Variants in RALYL observed in about 807,000 individuals in gnomAD.
The protein encoded by RALYL is RALY RNA binding protein like.
RALYL carries 29 observed loss-of-function variants against 35.1 expected under a neutral mutation model. The observed-to-expected ratio is 0.83, with a 90% CI of 0.61 to 1.13. RALYL has a LOEUF of 1.13. Ranked by LOEUF, RALYL falls within the 50% of genes most tolerant of loss-of-function variation. The pLI is 0.00. For missense variants in RALYL, 359 were observed against 360.4 expected (o/e 1.00, Z 0.03); for synonymous variants, 120 against 127.6 (o/e 0.94, Z 0.40).
intron 2 of RALYL, among the ~76,000 whole-genome samples, chr8:84,709,027 G>A (rs1208259882): frequency 3.9e-5 from 6 of 152,092 alleles, no homozygotes; most frequent in Middle Eastern, 3.2e-3. Flanking sequence ...CTTTGGGTGA[G>A]CTTATCGACC....
rs1209137062 is a variant in RALYL at position 84,850,002 on chromosome 8, T to C, written c.388T>C (p.Tyr130His). The change falls in exon 5 of 9, where the codon TAC becomes CAC. Residue 130 changes from tyrosine to histidine, a missense_variant. Coordinates refer to ENST00000521268, the MANE Select transcript of RALYL (RefSeq NM_173848.7). ...SVGGYVFDYD[Y>H]YRDDFYNRLF... ...TAGCGGTTATGTCTTTGACTATGAT[T>C]ACTACAGAGATGATTTCTACAATCG... 3 of 1,495,460 alleles carry C rather than the reference T, an allele frequency of 2.0e-6. No individual in the cohort carries two copies. In the Admixed American group the frequency reaches 7.1e-5, roughly 35 times the overall value. 92.6% of individuals were successfully genotyped at this position (1,495,460 alleles called of 1,614,324 possible). A position where few individuals can be genotyped will look rare whatever the true frequency, so the allele number is the denominator to read the frequency against.
intron 4 of RALYL, among the ~76,000 whole-genome samples, chr8:84,813,309 G>T (rs1286771340): frequency 1.3e-5 from 2 of 152,128 alleles, no homozygotes; most frequent in Non-Finnish European, 2.9e-5. Flanking sequence ...CCTTCAGAGG[G>T]TCTGTGGGTC....
At chr8:84,784,825 T>C (rs1459170921) in intron 3 of RALYL, among the ~76,000 whole-genome samples, 1 of 152,198 alleles carries the variant, frequency 6.6e-6, no homozygotes, top group African/African-American at 2.4e-5. Flanking sequence ...AGATTATCAG[T>C]TGGCTATGCA....
chr8:84,865,991 G>A (rs933732945), intron 6 of RALYL, among the ~76,000 whole-genome samples: 3 of 152,122 alleles, frequency 2.0e-5, no homozygotes, highest in South Asian at 2.1e-4. Flanking sequence ...GAAATACAGC[G>A]ATAAAGCATC....
At chr8:84,567,510 T>G (rs993482537) in intron 2 of RALYL, among the ~76,000 whole-genome samples, 1 of 151,774 alleles carries the variant, frequency 6.6e-6, no homozygotes, top group African/African-American at 2.4e-5. Context: ...CATCACCATC[T>G]ATATTGCCAC....
intron 2 of RALYL, among the ~76,000 whole-genome samples, chr8:84,553,293 T>C (rs1400494682): frequency 2.6e-5 from 4 of 152,062 alleles, no homozygotes; most frequent in Non-Finnish European, 5.9e-5. Flanking sequence ...TCCCAAGTAA[T>C]TGGGACTACA....
At chr8:84,874,410 G>A (rs977057581) in intron 7 of RALYL, among the ~76,000 whole-genome samples, 1 of 151,968 alleles carries the variant, frequency 6.6e-6, no homozygotes, top group African/African-American at 2.4e-5. Context: ...ATAGACCTCG[G>A]TCTCAAACTC....
chr8:84,475,705 C>T (rs1473097592), intron 1 of RALYL, among the ~76,000 whole-genome samples: 2 of 152,034 alleles, frequency 1.3e-5, no homozygotes, highest in Non-Finnish European at 2.9e-5. Flanking sequence ...AAAAAAAAGG[C>T]TTTTGAATCT....
chr8:84,886,802 G>T (rs1256052460), intron 7 of RALYL, among the ~76,000 whole-genome samples: 4 of 152,144 alleles, frequency 2.6e-5, no homozygotes, highest in Admixed American at 2.0e-4. Flanking sequence ...AGCTTCATTT[G>T]TTGAGCACTT....
chr8:84,678,671 T>C (rs1834730018), intron 2 of RALYL: 1 of 152,182 alleles, frequency 6.6e-6, no homozygotes, highest in African/African-American at 2.4e-5. Context: ...TGGAGTTCTT[T>C]CTTGAGTCTC....
chr8:84,696,599 A>G (rs1442466965), intron 2 of RALYL, among the ~76,000 whole-genome samples: 1 of 151,998 alleles, frequency 6.6e-6, no homozygotes, highest in Non-Finnish European at 1.5e-5. Flanking sequence ...TTTCCAAGGC[A>G]TGATTTAAAA....
At chr8:84,619,603 A>C (rs1820783480) in intron 2 of RALYL, among the ~76,000 whole-genome samples, 1 of 147,232 alleles carries the variant, frequency 6.8e-6, no homozygotes, top group African/African-American at 2.6e-5. Context: ...ATTTAAAGTT[A>C]ATATTGTTAT....
At chr8:84,306,625 T>C (rs1000367220) in intron 1 of RALYL, among the ~76,000 whole-genome samples, 4 of 152,072 alleles carry the variant, frequency 2.6e-5, no homozygotes, top group Non-Finnish European at 1.5e-5. Context: ...TGGACACAAA[T>C]GTTGGGCCCC....
intron 2 of RALYL, among the ~76,000 whole-genome samples, chr8:84,623,755 C>G (rs1397917971): frequency 1.1e-4 from 16 of 151,916 alleles, no homozygotes; most frequent in African/African-American, 3.1e-4. Context: ...ATGATGAGGA[C>G]TATCACAAAT....
At chr8:84,434,465 A>G (rs1294211836) in intron 1 of RALYL, among the ~76,000 whole-genome samples, 1 of 152,202 alleles carries the variant, frequency 6.6e-6, no homozygotes, top group Non-Finnish European at 1.5e-5. Context: ...ATGAGGTGAC[A>G]GATACATGAA....
chr8:84,349,982 C>T (rs986329881), intron 1 of RALYL, among the ~76,000 whole-genome samples: 2 of 150,460 alleles, frequency 1.3e-5, no homozygotes, highest in Non-Finnish European at 3.0e-5. Flanking sequence ...CAACTTCTTC[C>T]CATTACTCCC....
intron 2 of RALYL, among the ~76,000 whole-genome samples, chr8:84,655,570 CCA>C (rs1352272642): frequency 6.6e-6 from 1 of 152,128 alleles, no homozygotes; most frequent in Non-Finnish European, 1.5e-5. Context: ...CTCAAGTGAT[CCA>C]CCAGCCTTGG....
At chr8:84,633,433 A>G (rs990918363) in intron 2 of RALYL, among the ~76,000 whole-genome samples, 2 of 151,924 alleles carry the variant, frequency 1.3e-5, no homozygotes, top group Non-Finnish European at 2.9e-5. Flanking sequence ...CTGTCCCAAT[A>G]AAAACACATT....
chr8:84,766,473 C>T (rs112851797), intron 2 of RALYL, among the ~76,000 whole-genome samples: 62 of 151,090 alleles, frequency 4.1e-4, no homozygotes, highest in African/African-American at 1.5e-3. Flanking sequence ...GTGGGTGGAT[C>T]ACGAGTTCAG....
Sources: allele counts gnomAD v4.1 joint callset (sites outside exome capture counted in the v4.1 genomes callset), GRCh38; gene constraint gnomAD v4.1.1; transcripts MANE v1.5; gene names NCBI Gene and HGNC (gene_info 2026-07-23, HGNC 2026-07-21).